Variants in BBS5 observed in about 807,000 individuals in gnomAD.
The protein encoded by BBS5 is BBSome complex member BBS5.
BBS5 carries 39 observed loss-of-function variants against 50.2 expected under a neutral mutation model. That is an observed-to-expected ratio of 0.78 (90% CI 0.60 to 1.01). The LOEUF (loss-of-function observed/expected upper bound fraction) is 1.01. BBS5 is among the 50% of genes least tolerant of loss of function. BBS5 has a pLI of 0.00. For synonymous variants in BBS5, 134 were observed against 133.1 expected, an observed-to-expected ratio of 1.01 and a Z score of -0.05; for missense variants, 356 against 401.5, an observed-to-expected ratio of 0.89 and a Z score of 0.97.
chr2:169,499,695 G>A, intron 9 of BBS5, 75 bp downstream of exon 9: 1 of 1,420,266 alleles, frequency 7.0e-7, no homozygotes. Context: ...AGATACCACT[G>A]TGCACCATTT....
Position 169,504,334 on chromosome 2 carries a change from C to G in BBS5, c.924+8C>G, listed in dbSNP as rs372800671. The G allele has an allele frequency of 3.7e-6, 6 of 1,611,740 alleles. No individual in the cohort carries two copies. In the African/African-American group the frequency reaches 5.3e-5, roughly 14 times the overall value. On this transcript the variant is annotated splice_region_variant and intron_variant, in intron 11 of 11. Transcript: ENST00000295240. Reference sequence around the variant, plus strand: ...TTTGCTGATGGCAATAAGGTAAGGACATTTATTTTACCTACAGTATATGAA... The same window carrying G: ...TTTGCTGATGGCAATAAGGTAAGGAGATTTATTTTACCTACAGTATATGAA...
chr2:169,480,388 G>A (rs1298547819), intron 1 of BBS5, among the ~76,000 whole-genome samples: 4 of 152,112 alleles, frequency 2.6e-5, no homozygotes, highest in African/African-American at 9.7e-5. Flanking sequence ...ATGGCATGGA[G>A]CTTCTTAGCT....
intron 11 of BBS5, 40 bp from the exon 12 acceptor site, chr2:169,504,441 C>G: frequency 6.3e-7 from 1 of 1,591,890 alleles, no homozygotes; most frequent in Non-Finnish European, 8.6e-7. Context: ...TCCTTGCCCA[C>G]CTTCTCTATT....
intron 7 of BBS5, among the ~76,000 whole-genome samples, chr2:169,494,326 A>G (rs113805722): frequency 3.3e-4 from 50 of 152,314 alleles, no homozygotes; most frequent in African/African-American, 1.2e-3. Context: ...GTATTTAGAT[A>G]CAGAATGTAA....
At position 169,482,191 on chromosome 2, in the gene BBS5, A is replaced by C; in HGVS notation, c.60-60A>C. 3 of 1,040,104 alleles carry C rather than the reference A, an allele frequency of 2.9e-6. No homozygotes were observed. In the Admixed American group the frequency reaches 5.1e-5, roughly 18 times the overall value. The allele number at this position is 1,040,104 out of a possible 1,614,324, so 64.4% of individuals were successfully genotyped here. A position where few individuals can be genotyped will look rare whatever the true frequency, so the allele number is the denominator to read the frequency against. On this transcript the variant is annotated intron_variant, in intron 1 of 11. Coordinates refer to ENST00000295240, the MANE Select transcript of BBS5 (RefSeq NM_152384.3). ...TGTACATATGTCTCTTTTCTCCCTA[A>C]ATAGATTGCAAGCAGGTATAGTTGT...
chr2:169,485,226 T>C (rs530847485), intron 2 of BBS5, among the ~76,000 whole-genome samples: 10 of 152,348 alleles, frequency 6.6e-5, no homozygotes, highest in African/African-American at 2.4e-4. Flanking sequence ...CAAAAAAAGT[T>C]AAAAATGAGT....
At chr2:169,496,641 G>A (rs991468281) in intron 7 of BBS5, among the ~76,000 whole-genome samples, 1 of 151,352 alleles carries the variant, frequency 6.6e-6, no homozygotes, top group African/African-American at 2.4e-5. Context: ...AGGCCGAGGC[G>A]GGCGGATCAC....
At chr2:169,499,407 T>C in intron 8 of BBS5, 79 bp from the exon 9 acceptor site, 1 of 1,403,192 alleles carries the variant, frequency 7.1e-7, no homozygotes, top group Non-Finnish European at 9.8e-7. Flanking sequence ...AAGGACAAAT[T>C]GAGCTATAAT....
rs913773551 is a variant in BBS5, at chr2:169,505,692, G to A, written c.*1110G>A. The A allele has an allele frequency of 9.7e-5, 21 of 215,856 alleles. 1 individual carries two copies. The highest frequency in any genetic ancestry group is 6.9e-4 in the South Asian group (12 of 17,486). The allele number at this position is 215,856 out of a possible 1,614,324, so 13.4% of individuals were successfully genotyped here. A position where few individuals can be genotyped will look rare whatever the true frequency, so the allele number is the denominator to read the frequency against. The stretch of plus-strand genomic sequence containing the variant: ...AGACCCTCCGCCTGGCAACCGCCCC[G>A]TCTGATAAGTAAGGAGCCCCTCTGC... On this transcript the variant is annotated 3_prime_UTR_variant, in exon 12 of 12. Coordinates refer to ENST00000295240, the MANE Select transcript of BBS5 (RefSeq NM_152384.3).
chr2:169,492,482 C>T (rs1683616538), intron 5 of BBS5, among the ~76,000 whole-genome samples: 1 of 146,854 alleles, frequency 6.8e-6, no homozygotes, highest in South Asian at 2.1e-4. Context: ...GAGTGAGACT[C>T]CATCTCAAAA....
chr2:169,488,451 A>T (rs1335850161), intron 5 of BBS5, among the ~76,000 whole-genome samples: 1 of 152,250 alleles, frequency 6.6e-6, no homozygotes, highest in Non-Finnish European at 1.5e-5. Flanking sequence ...GATCCCTTGC[A>T]TGTGCAATTC....
At chr2:169,481,122 TC>T in intron 1 of BBS5, among the ~76,000 whole-genome samples, 1 of 152,176 alleles carries the variant, frequency 6.6e-6, no homozygotes, top group Non-Finnish European at 1.5e-5. Context: ...GATATTCATA[TC>T]CCCCCGTTCT....
intron 1 of BBS5, among the ~76,000 whole-genome samples, chr2:169,481,130 T>A (rs1207838054): frequency 6.6e-6 from 1 of 152,148 alleles, no homozygotes; most frequent in Non-Finnish European, 1.5e-5. Context: ...TATCCCCCCG[T>A]TCTAGTGCAG....
intron 7 of BBS5, among the ~76,000 whole-genome samples, chr2:169,494,258 C>CT (rs1490125952): frequency 6.6e-6 from 1 of 152,106 alleles, no homozygotes; most frequent in Admixed American, 6.6e-5. Flanking sequence ...ATTTTCTGCT[C>CT]TAAAGCTTTT....
intron 5 of BBS5, among the ~76,000 whole-genome samples, chr2:169,489,869 TTTTTTTTTTTTTTTTTTTTTTTTA>T (rs1317725865): frequency 1.3e-4 from 3 of 23,410 alleles, no homozygotes; most frequent in South Asian, 1.4e-3. Context: ...TTTTTTTTTT[TTTTTTTTTTTTTTTTTTTTTTTTA>T]GAGACAGAGT....
At chr2:169,503,405 A>G (rs1683843939) in intron 10 of BBS5, among the ~76,000 whole-genome samples, 1 of 152,198 alleles carries the variant, frequency 6.6e-6, no homozygotes, top group South Asian at 2.1e-4. Flanking sequence ...CACACCTGTA[A>G]GCCCGGCACT....
intron 5 of BBS5, among the ~76,000 whole-genome samples, chr2:169,489,418 G>A (rs542992271): frequency 2.0e-5 from 3 of 151,248 alleles, no homozygotes; most frequent in Non-Finnish European, 2.9e-5. Flanking sequence ...AGCTGAGATC[G>A]CCGCACTGCA....
intron 1 of BBS5, among the ~76,000 whole-genome samples, chr2:169,481,646 A>AC (rs1683398011): frequency 2.6e-5 from 4 of 151,282 alleles, no homozygotes; most frequent in African/African-American, 9.7e-5. Context: ...GACACTGTAG[A>AC]ATGTATTCTG....
Position 169,488,055 on chromosome 2 carries a change from A to G in BBS5, c.327A>G (p.Ile109Met). 2 of 1,613,602 alleles carry G rather than the reference A, an allele frequency of 1.2e-6. No homozygotes were observed. Among genetic ancestry groups the G allele is most frequent in the Admixed American group, 3.3e-5 (2 of 60,012 alleles). Residue 109 changes from isoleucine (I) to methionine (M), a missense_variant, in exon 5 of 12, where the codon ATA becomes ATG. Physicochemically the swap from Ile to Met is conservative, Grantham distance 10 (BLOSUM62 1). Transcript: ENST00000295240. ...GTAACAGTACTCGTTTTGAATTTAT[A>G]TTTACAAATTTGGTTCCTGGAAGCC... ...TKCNSTRFEF[I>M]FTNLVPGSPR...
Sources: allele counts gnomAD v4.1 joint callset (sites outside exome capture counted in the v4.1 genomes callset), GRCh38; gene constraint gnomAD v4.1.1; transcripts MANE v1.5; gene names NCBI Gene and HGNC (gene_info 2026-07-23, HGNC 2026-07-21).